The following VWA2 variants were observed in gnomAD, a reference collection of about 807,000 sequenced individuals.
The protein encoded by VWA2 is von Willebrand factor A domain-containing protein 2.
In VWA2, 73 loss-of-function variants were observed where a neutral mutation model predicts 70.4. The observed-to-expected ratio is 1.04, with a 90% CI of 0.86 to 1.26. The LOEUF is 1.26. Among genes scored for constraint, VWA2 ranks in the 50% most tolerant of loss-of-function variants. VWA2 has a pLI of 0.00. For synonymous variants in VWA2, 407 were observed against 423.3 expected (o/e 0.96, Z 0.47); for missense variants, 1,011 against 998.5 (o/e 1.01, Z -0.17).
chr10:114,258,690 GAA>G (rs1180542435), intron 4 of VWA2, among the ~76,000 whole-genome samples: 1 of 152,164 alleles, frequency 6.6e-6, no homozygotes, highest in Non-Finnish European at 1.5e-5. Context: ...GATGTACAGT[GAA>G]AAGTCTCCCT....
At chr10:114,285,287 CAG>C (rs1403613570) in intron 10 of VWA2, among the ~76,000 whole-genome samples, 3 of 152,324 alleles carry the variant, frequency 2.0e-5, no homozygotes, top group East Asian at 1.9e-4. Flanking sequence ...CAGTCCTGGG[CAG>C]AGTCTTTTCT....
rs762554128 is a variant in VWA2 at position 114,277,870 on chromosome 10, A to AG, written c.567-41dup. 22 of 1,561,890 alleles carry AG rather than the reference A, an allele frequency of 1.4e-5. No individual in the cohort carries two copies. The Admixed American group carries it at 3.8e-4, about 27-fold the overall frequency. ...GCCTAGAAGATGAGGGGGCAGGAGG[A>AG]GGGTGGGTATAGGACCACAAGCTGT... On this transcript the variant is annotated intron_variant, in intron 6 of 13. Transcript: ENST00000392982.
chr10:114,253,070 G>A (rs983657767), intron 2 of VWA2, among the ~76,000 whole-genome samples: 4 of 150,512 alleles, frequency 2.7e-5, no homozygotes, highest in African/African-American at 9.8e-5. Flanking sequence ...AGAGGATGTT[G>A]GCTTTTCCAA....
chr10:114,241,132 T>C (rs946140691), intron 1 of VWA2, among the ~76,000 whole-genome samples: 1 of 152,174 alleles, frequency 6.6e-6, no homozygotes, highest in African/African-American at 2.4e-5. Context: ...ATATACCTCC[T>C]GTCCCCGCCT....
rs184104152 is a variant in VWA2 at position 114,249,291 on chromosome 10, C to T, written c.52+526C>T. On this transcript the variant is annotated intron_variant, in intron 2 of 13. Coordinates refer to ENST00000392982, the MANE Select transcript of VWA2 (RefSeq NM_001272046.2). ...TATTTATTTGAGATGGAATCTCTCT[C>T]TGTCACCCAGACTGGAGTGCAATGG... Among the ~76,000 whole-genome samples, 368 of 152,258 alleles carry T rather than the reference C, an allele frequency of 2.4e-3. 4 individuals carry two copies. The highest frequency in any genetic ancestry group is 6.8e-3 in the Middle Eastern group (2 of 294).
rs1482698932 is a variant in VWA2 at position 114,293,904 on chromosome 10, T to C, written c.*2667T>C. 6.6e-6 allele frequency among the ~76,000 whole-genome samples: 1 copy of C among 152,240 alleles called. No homozygotes were observed. The highest frequency in any genetic ancestry group is 1.5e-5 in the Non-Finnish European group (1 of 68,030). ...TGTTTCATGAAGTAGCATGTATCCA[T>C]ATCTGGTTCTTGACTTTTTCATCAT... On this transcript the variant is annotated 3_prime_UTR_variant, in exon 14 of 14. Transcript: ENST00000392982.
At chr10:114,290,523 C>A (rs967589300) in intron 13 of VWA2, among the ~76,000 whole-genome samples, 158 bp downstream of exon 13, 2 of 152,248 alleles carry the variant, frequency 1.3e-5, no homozygotes, top group African/African-American at 2.4e-5. Context: ...GTACCTCCTG[C>A]ATCCCAGGCA....
chr10:114,280,820 C>T (rs898498016), intron 8 of VWA2: 1 of 152,296 alleles, frequency 6.6e-6, no homozygotes, highest in Admixed American at 6.5e-5. Context: ...CTTGGTGCAG[C>T]CTCAAACTTC....
At chr10:114,286,580 C>A in intron 11 of VWA2, 69 bp downstream of exon 11, 1 of 1,371,882 alleles carries the variant, frequency 7.3e-7, no homozygotes, top group African/African-American at 1.4e-5. Flanking sequence ...TGGCCACCAC[C>A]TAACCATCAT....
At chr10:114,250,791 AG>A (rs2037179976) in intron 2 of VWA2, among the ~76,000 whole-genome samples, 2 of 152,210 alleles carry the variant, frequency 1.3e-5, no homozygotes, top group African/African-American at 4.8e-5. Context: ...GTTTGGGGCC[AG>A]GGCCTGAAAG....
chr10:114,282,897 T>C (rs1407410447), intron 9 of VWA2, among the ~76,000 whole-genome samples: 3 of 152,194 alleles, frequency 2.0e-5, no homozygotes, highest in Non-Finnish European at 4.4e-5. Flanking sequence ...ATCTGAGTGA[T>C]TTCCTCCTCT....
intron 4 of VWA2, among the ~76,000 whole-genome samples, chr10:114,255,249 T>C (rs2037300852): frequency 6.6e-6 from 1 of 151,222 alleles, no homozygotes; most frequent in Non-Finnish European, 1.5e-5. Flanking sequence ...TTTTCCCTTC[T>C]CTCAATTTTG....
intron 3 of VWA2, among the ~76,000 whole-genome samples, chr10:114,254,342 G>C (rs1215798247): frequency 6.6e-6 from 1 of 152,142 alleles, no homozygotes; most frequent in East Asian, 1.9e-4. Flanking sequence ...AAAGTGCTGA[G>C]ATTCCAGGTG....
chr10:114,264,050 T>A (rs1443532929), intron 5 of VWA2, among the ~76,000 whole-genome samples: 1 of 152,242 alleles, frequency 6.6e-6, no homozygotes, highest in Non-Finnish European at 1.5e-5. Context: ...CATCCATTGC[T>A]TGTGGGATTT....
At chr10:114,290,441 T>G in intron 13 of VWA2, 76 bp downstream of exon 13, 3 of 1,528,152 alleles carry the variant, frequency 2.0e-6, no homozygotes, top group East Asian at 2.5e-5. Flanking sequence ...CAAACTCAGC[T>G]GAAGGCAGGT....
At chr10:114,243,737 T>C (rs1461564433) in intron 1 of VWA2, among the ~76,000 whole-genome samples, 4 of 152,232 alleles carry the variant, frequency 2.6e-5, no homozygotes, top group Non-Finnish European at 5.9e-5. Flanking sequence ...CGGCTCTTCT[T>C]TTTTTAAAAA....
chr10:114,241,024 CAT>C (rs2036966226), intron 1 of VWA2, among the ~76,000 whole-genome samples: 1 of 152,210 alleles, frequency 6.6e-6, no homozygotes, highest in South Asian at 2.1e-4. Flanking sequence ...ATATCCGAAT[CAT>C]AGTCAGAAGC....
At position 114,293,795 on chromosome 10, in the gene VWA2, G is replaced by A. The variant is rs925177597; in HGVS notation, c.*2558G>A. On this transcript the variant is annotated 3_prime_UTR_variant, in exon 14 of 14. Coordinates refer to ENST00000392982, the MANE Select transcript of VWA2 (RefSeq NM_001272046.2). The stretch of plus-strand genomic sequence containing the variant: ...CTTTTCTAGAGAAATATTTCCAAAT[G>A]ATGCTAGTTTTGTCTCTTCCTTTCA... Among the ~76,000 whole-genome samples the A allele has an allele frequency of 1.3e-5, 2 of 152,134 alleles. No homozygotes were observed. Among genetic ancestry groups the A allele is most frequent in the African/African-American group, 4.8e-5 (2 of 41,440 alleles).
At chr10:114,242,000 G>A (rs968014299) in intron 1 of VWA2, among the ~76,000 whole-genome samples, 27 of 151,298 alleles carry the variant, frequency 1.8e-4, no homozygotes, top group Non-Finnish European at 3.1e-4. Flanking sequence ...AGCACAGTGG[G>A]ACAGCTGAAT....
Sources: gnomAD v4.1 joint callset for allele counts (sites outside exome capture counted in the v4.1 genomes callset) on GRCh38, gnomAD v4.1.1 for gene constraint, MANE v1.5 for transcripts, NCBI Gene and HGNC (gene_info 2026-07-23, HGNC 2026-07-21) for gene names.